Variants in NPAS3 observed in about 807,000 individuals in gnomAD.
The protein encoded by NPAS3 is neuronal PAS domain-containing protein 3.
NPAS3 carries 14 observed loss-of-function variants against 73.1 expected under a neutral mutation model. That is an observed-to-expected ratio of 0.19 (90% CI 0.13 to 0.30). NPAS3 has a LOEUF of 0.30. Among genes scored for constraint, NPAS3 ranks in the 10% least tolerant of loss-of-function variants. The pLI is 1.00. For missense variants in NPAS3, 1,096 were observed against 1,250.0 expected (o/e 0.88, Z 1.86); for synonymous variants, 620 against 541.5 (o/e 1.14, Z -2.01).
chr14:33,529,002 A>G (rs1328649024), intron 4 of NPAS3, among the ~76,000 whole-genome samples: 1 of 152,112 alleles, frequency 6.6e-6, no homozygotes. Context: ...GAGCTGTCTG[A>G]CTTCAAATTT....
intron 4 of NPAS3, among the ~76,000 whole-genome samples, chr14:33,442,067 T>A (rs2049275522): frequency 6.6e-6 from 1 of 152,212 alleles, no homozygotes; most frequent in Non-Finnish European, 1.5e-5. Flanking sequence ...ATGACATAGT[T>A]TGCAGATTTC....
At chr14:33,226,783 A>G (rs1353682906) in intron 3 of NPAS3, among the ~76,000 whole-genome samples, 2 of 152,194 alleles carry the variant, frequency 1.3e-5, no homozygotes, top group East Asian at 3.9e-4. Flanking sequence ...AGCACTACAG[A>G]TACTTAAATT....
intron 2 of NPAS3, among the ~76,000 whole-genome samples, chr14:33,131,791 G>T (rs1482526211): frequency 1.3e-5 from 2 of 152,172 alleles, no homozygotes; most frequent in Non-Finnish European, 1.5e-5. Context: ...TGGTAAGGAA[G>T]GGGTGTTAAA....
chr14:33,558,009 A>G (rs981971145), intron 4 of NPAS3, among the ~76,000 whole-genome samples: 2 of 152,324 alleles, frequency 1.3e-5, no homozygotes, highest in East Asian at 3.9e-4. Flanking sequence ...CTATAATTTC[A>G]TATAGTACTT....
chr14:33,041,280 G>A (rs2040340082), intron 1 of NPAS3, among the ~76,000 whole-genome samples: 2 of 152,158 alleles, frequency 1.3e-5, no homozygotes, highest in South Asian at 2.1e-4. Context: ...GTTATGAAAT[G>A]TTTATAAGTA....
intron 3 of NPAS3, among the ~76,000 whole-genome samples, chr14:33,228,321 T>C (rs1241858618): frequency 6.6e-6 from 1 of 152,154 alleles, no homozygotes. Context: ...TGGGTGTGTT[T>C]TGGCAGCTTG....
At chr14:33,270,780 C>G (rs1052461589) in intron 3 of NPAS3, among the ~76,000 whole-genome samples, 8 of 152,106 alleles carry the variant, frequency 5.3e-5, no homozygotes, top group Admixed American at 5.2e-4. Context: ...ATTTGACAGG[C>G]CATCCTAGAA....
chr14:33,219,131 T>C (rs1374082774), intron 3 of NPAS3, among the ~76,000 whole-genome samples: 2 of 152,220 alleles, frequency 1.3e-5, no homozygotes, highest in African/African-American at 4.8e-5. Flanking sequence ...GCTAAATAAC[T>C]GATGATTGTA....
intron 4 of NPAS3, among the ~76,000 whole-genome samples, chr14:33,423,024 C>A (rs906702460): frequency 1.3e-5 from 2 of 151,994 alleles, no homozygotes; most frequent in African/African-American, 4.8e-5. Flanking sequence ...TTGATAAAAA[C>A]ATACCTAGTG....
chr14:33,359,888 A>C (rs574333762), intron 3 of NPAS3, among the ~76,000 whole-genome samples: 2 of 152,340 alleles, frequency 1.3e-5, no homozygotes, highest in East Asian at 3.9e-4. Flanking sequence ...TACATGCAGT[A>C]GGTGTTTTGT....
intron 4 of NPAS3, among the ~76,000 whole-genome samples, chr14:33,552,582 C>T (rs2383488): frequency 0.61 from 92,181 of 151,780 alleles, 28,266 homozygotes; most frequent in African/African-American, 0.67. Context: ...ATATAACATA[C>T]ATATAATGAA....
intron 1 of NPAS3, among the ~76,000 whole-genome samples, chr14:33,027,958 G>GA (rs1260986981): frequency 6.6e-5 from 10 of 151,876 alleles, no homozygotes; most frequent in Admixed American, 1.3e-4. Flanking sequence ...ACTTAAAATA[G>GA]AAAAAAAATC....
rs191617434 is a variant in NPAS3 at position 33,542,648 on chromosome 14, A to G, written c.469-17473A>G. ...ACAGTGCCAGATAAGAAGAAAAATT[A>G]ACTTAGGATTCTAAAATCAAATGTC... is the stretch of plus-strand genomic sequence containing the variant. On this transcript the variant is annotated intron_variant, in intron 4 of 11. Coordinates refer to ENST00000356141, the Ensembl canonical transcript of NPAS3. Among the ~76,000 whole-genome samples the G allele has an allele frequency of 4.6e-5, 7 of 152,350 alleles. No individual in the cohort carries two copies. The East Asian group carries it at 1.3e-3, about 29-fold the overall frequency.
At chr14:33,444,188 C>A (rs756482921) in intron 4 of NPAS3, among the ~76,000 whole-genome samples, 1 of 152,148 alleles carries the variant, frequency 6.6e-6, no homozygotes, top group Non-Finnish European at 1.5e-5. Context: ...AAACTCAGGG[C>A]GTGGGACTGA....
In NPAS3 at chr14:33,545,429, C is replaced by T. The variant is rs115917147; in HGVS notation, c.469-14692C>T. On this transcript the variant is annotated intron_variant, in intron 4 of 11. Transcript: ENST00000356141. ...ATGACACTTTTACGTGTGTTAACTCCAATCATCTCAACAACTCTATTGACT... is the reference window on the plus strand; with the variant it reads ...ATGACACTTTTACGTGTGTTAACTCTAATCATCTCAACAACTCTATTGACT... Among the ~76,000 whole-genome samples, 1,283 of 152,226 alleles carry T rather than the reference C, an allele frequency of 8.4e-3. 6 individuals are homozygous for T. Among genetic ancestry groups the T allele is most frequent in the Middle Eastern group, 0.041 (12 of 294 alleles).
intron 9 of NPAS3, among the ~76,000 whole-genome samples, chr14:33,784,726 TTTA>T (rs1249382419): frequency 1.0e-5 from 1 of 95,352 alleles, no homozygotes; most frequent in Admixed American, 1.1e-4. Context: ...GTTATTTTTA[TTTA>T]TTTATTTATT....
intron 2 of NPAS3, among the ~76,000 whole-genome samples, chr14:33,162,987 G>T (rs1347431112): frequency 6.6e-6 from 1 of 152,136 alleles, no homozygotes; most frequent in African/African-American, 2.4e-5. Context: ...AATCATTACT[G>T]CTGACAAAGA....
At chr14:33,198,064 GTTCCTCCCGTCCAGAGTTGTTCA>G (rs1312108672) in intron 2 of NPAS3, among the ~76,000 whole-genome samples, 1 of 95,840 alleles carries the variant, frequency 1.0e-5, no homozygotes, top group Non-Finnish European at 2.3e-5. Flanking sequence ...AGAGTTGTTT[GTTCCTCCCGTCCAGAGTTGTTCA>G]TTCCTCCCAG....
chr14:33,641,765 C>G (rs552290982), intron 5 of NPAS3, among the ~76,000 whole-genome samples: 1 of 151,962 alleles, frequency 6.6e-6, no homozygotes, highest in Non-Finnish European at 1.5e-5. Flanking sequence ...AAATATATTA[C>G]TATTGTGCCA....
Sources: gnomAD v4.1 joint callset for allele counts (sites outside exome capture counted in the v4.1 genomes callset) on GRCh38, gnomAD v4.1.1 for gene constraint, MANE v1.5 for transcripts, NCBI Gene and HGNC (gene_info 2026-07-23, HGNC 2026-07-21) for gene names.